DHX30: variants seen among roughly 807,000 people sequenced by gnomAD.
The protein encoded by DHX30 is DExH-box helicase 30.
In DHX30, 4 loss-of-function variants were observed where a neutral mutation model predicts 116.9. That is an observed-to-expected ratio of 0.03 (90% CI 0.02 to 0.08). The LOEUF (loss-of-function observed/expected upper bound fraction) is 0.08. Ranked by LOEUF, DHX30 falls within the 10% of genes least tolerant of loss-of-function variation. The pLI is 1.00. For missense variants in DHX30, 871 were observed against 1,595.1 expected, an observed-to-expected ratio of 0.55 and a Z score of 7.73; for synonymous variants, 697 against 651.7, an observed-to-expected ratio of 1.07 and a Z score of -1.06.
rs1294065324 is a variant in DHX30 at position 47,846,222 on chromosome 3, T to C, written c.1150T>C (p.Leu384=). 2.6e-5 allele frequency: 42 copies of C among 1,614,024 alleles called. No homozygotes were observed. The highest frequency in any genetic ancestry group is 3.4e-5 in the Non-Finnish European group (40 of 1,180,048). ...PELRLQSDDI[L]PLGKDSGPLS... ...ACTCCGGCTGCAGAGTGATGACATC[T>C]TGCCCTTGGGCAAGGACTCAGGGCC... is the stretch of plus-strand genomic sequence containing the variant. The change falls in exon 11 of 22, where the codon TTG becomes CTG. Residue 384 remains leucine, a synonymous_variant. Coordinates refer to ENST00000445061, the MANE Select transcript of DHX30 (RefSeq NM_138615.3).
chr3:47,827,742 A>T (rs1576486316), intron 5 of DHX30, among the ~76,000 whole-genome samples: 1 of 152,298 alleles, frequency 6.6e-6, no homozygotes, highest in South Asian at 2.1e-4. Context: ...GCCCCCATCG[A>T]CTAAGGACTG....
chr3:47,828,919 T>G, intron 5 of DHX30, 105 bp from the exon 6 acceptor site: 1 of 687,602 alleles, frequency 1.5e-6, no homozygotes, highest in Non-Finnish European at 2.7e-6. Flanking sequence ...ATTGCTGCTG[T>G]GAGGTCTGCT....
chr3:47,823,313 G>C (rs1385695700), intron 4 of DHX30, among the ~76,000 whole-genome samples: 1 of 150,558 alleles, frequency 6.6e-6, no homozygotes, highest in Admixed American at 6.6e-5. Flanking sequence ...CCGAGACAAA[G>C]ACCCCCCTGG....
chr3:47,814,482 G>A (rs181101724), intron 3 of DHX30, among the ~76,000 whole-genome samples: 3 of 149,834 alleles, frequency 2.0e-5, no homozygotes, highest in Non-Finnish European at 3.0e-5. Flanking sequence ...TCTGAGCGCC[G>A]TGTCTCATGC....
At position 47,849,539 on chromosome 3, in the gene DHX30, A is replaced by G. The variant is rs1302310283; in HGVS notation, c.3176A>G (p.Lys1059Arg). The change falls in exon 20 of 22, where the codon AAG becomes AGG. Residue 1059 changes from lysine to arginine, a missense_variant. By Grantham distance (26) the Lys-to-Arg change is conservative (BLOSUM62 2). Around this residue, in one of 13 missense-constraint regions of DHX30, gnomAD observed 238 missense variants for 481.0 expected, o/e 0.49. Transcript: ENST00000445061. ...AAATCAGGCAACATCCTGCTGCACA[A>G]GTCGACCATTAACAGGTGAGGGCAT... Reference protein sequence around the residue: ...RTKSGNILLHKSTINREATRL... With the variant: ...RTKSGNILLHRSTINREATRL... The G allele has an allele frequency of 6.2e-7, 1 of 1,609,608 alleles. No homozygotes were observed. Among genetic ancestry groups the G allele is most frequent in the Non-Finnish European group, 8.5e-7 (1 of 1,176,386 alleles).
rs1172023651 is a variant in DHX30, at chr3:47,845,783, C to A, written c.1023C>A (p.Thr341=). The part of the protein sequence containing the change: ...NLASLRELGE[T]QRRPCTIQVP... ...CCTCTTTGCGTGAGCTGGGTGAGACCCAGCGCCGACCATGCACCATCCAGG... is the reference window on the plus strand; with the variant it reads ...CCTCTTTGCGTGAGCTGGGTGAGACACAGCGCCGACCATGCACCATCCAGG... Residue 341 remains threonine, a synonymous_variant, in exon 10 of 22, where the codon ACC becomes ACA. Transcript: ENST00000445061. 9 of 1,612,558 alleles carry A rather than the reference C, an allele frequency of 5.6e-6. No homozygotes were observed. Among genetic ancestry groups the A allele is most frequent in the Non-Finnish European group, 7.6e-6 (9 of 1,178,812 alleles).
At chr3:47,816,775 GGGTT>G (rs1176841142) in intron 3 of DHX30, 2 of 985,262 alleles carry the variant, frequency 2.0e-6, no homozygotes, top group Middle Eastern at 5.2e-4. Flanking sequence ...TGGGGGAGGA[GGGTT>G]GGAGTGCAGG....
chr3:47,819,415 GC>G, intron 4 of DHX30: 1 of 707,110 alleles, frequency 1.4e-6, no homozygotes, highest in Non-Finnish European at 2.4e-6. Context: ...CTCTGGGGCA[GC>G]CCCACAAGTG....
In DHX30 at chr3:47,841,290, C is replaced by T. The variant is rs1435591521; in HGVS notation, c.668+112C>T. On this transcript the variant is annotated intron_variant, in intron 7 of 21. Coordinates refer to ENST00000445061, the MANE Select transcript of DHX30 (RefSeq NM_138615.3). Reference sequence around the variant, plus strand: ...ATGGGAGCGCCCCTGCCTCACATTTCAGCCTGTGTGCCCCATCACTCAGTG... The same window carrying T: ...ATGGGAGCGCCCCTGCCTCACATTTTAGCCTGTGTGCCCCATCACTCAGTG... 2.1e-6 allele frequency: 3 copies of T among 1,442,676 alleles called. No homozygotes were observed. In the East Asian group the frequency reaches 7.4e-5, roughly 36 times the overall value. 89.4% of individuals were successfully genotyped at this position (1,442,676 alleles called of 1,614,324 possible). A position where few individuals can be genotyped will look rare whatever the true frequency, so the allele number is the denominator to read the frequency against.
chr3:47,814,191 A>G (rs562631576), intron 3 of DHX30, among the ~76,000 whole-genome samples: 6 of 151,634 alleles, frequency 4.0e-5, no homozygotes, highest in African/African-American at 1.4e-4. Context: ...TTGGGAGGCT[A>G]AGGTGGGTGG....
chr3:47,812,605 T>C (rs1274064417), intron 3 of DHX30, among the ~76,000 whole-genome samples: 2 of 150,154 alleles, frequency 1.3e-5, no homozygotes, highest in African/African-American at 2.4e-5. Context: ...ATCACAAGGA[T>C]AGTAGCAAGC....
chr3:47,836,417 C>T (rs191011565), intron 6 of DHX30, among the ~76,000 whole-genome samples: 115 of 152,148 alleles, frequency 7.6e-4, no homozygotes, highest in Non-Finnish European at 1.1e-3. Flanking sequence ...GGATTACAGA[C>T]ATGAGCTACT....
chr3:47,838,437 G>A (rs1218426521), intron 6 of DHX30, among the ~76,000 whole-genome samples: 1 of 152,206 alleles, frequency 6.6e-6, no homozygotes, highest in African/African-American at 2.4e-5. Flanking sequence ...GCCAAGTTGT[G>A]TGCTTAGTCC....
chr3:47,832,594 T>C (rs986008532), intron 6 of DHX30, among the ~76,000 whole-genome samples: 4 of 152,106 alleles, frequency 2.6e-5, no homozygotes, highest in African/African-American at 7.2e-5. Context: ...TTCTCAACCA[T>C]GGATGATTTT....
intron 6 of DHX30, among the ~76,000 whole-genome samples, chr3:47,833,820 T>G (rs2036980354): frequency 2.0e-5 from 3 of 151,922 alleles, no homozygotes; most frequent in Non-Finnish European, 4.4e-5. Flanking sequence ...ATCACGCCAC[T>G]GCACTTCAGC....
chr3:47,846,574 A>G lies in DHX30; in HGVS notation c.1502A>G (p.Gln501Arg). The G allele has an allele frequency of 6.2e-7, 1 of 1,614,132 alleles. No homozygotes were observed. The highest frequency in any genetic ancestry group is 8.5e-7 in the Non-Finnish European group (1 of 1,180,032). Residue 501 changes from glutamine (Q) to arginine (R), a missense_variant, in exon 11 of 22, where the codon CAG becomes CGG. Gln to Arg is a conservative substitution (Grantham distance 43). Around this residue, in one of 13 missense-constraint regions of DHX30, gnomAD observed 63 missense variants for 180.6 expected, o/e 0.35. Coordinates refer to ENST00000445061, the MANE Select transcript of DHX30 (RefSeq NM_138615.3). ...CGCATCTCTGCTGTGTCTGTGGCAC[A>G]GCGGGTCAGCCACGAACTGGGCCCC... ...PRRISAVSVA[Q>R]RVSHELGPSL...
chr3:47,829,165 C>T (rs1488658707), intron 6 of DHX30, 31 bp downstream of exon 6: 1 of 1,264,960 alleles, frequency 7.9e-7, no homozygotes, highest in Non-Finnish European at 1.1e-6. Flanking sequence ...GCCACTGAGA[C>T]CTTCCTCCTG....
intron 4 of DHX30, among the ~76,000 whole-genome samples, chr3:47,827,081 C>T (rs1233746462): frequency 6.6e-6 from 1 of 152,052 alleles, no homozygotes; most frequent in Non-Finnish European, 1.5e-5. Context: ...GGAGATTGGG[C>T]GGAGAAGAGG....
At position 47,849,967 on chromosome 3, in the gene DHX30, C is replaced by T; in HGVS notation, c.3432C>T (p.Ala1144=). The T allele has an allele frequency of 6.2e-7, 1 of 1,612,868 alleles. No individual in the cohort carries two copies. Among genetic ancestry groups the T allele is most frequent in the Admixed American group, 1.7e-5 (1 of 59,986 alleles). ...GGCTGCTGAAGGAGCTGCGGCGGGC[C>T]CTGGGCCGCATGGTGGAGCGGAGCC... is the stretch of plus-strand genomic sequence containing the variant. The part of the protein sequence containing the change: ...TVRLLKELRR[A]LGRMVERSLR... The change falls in exon 22 of 22, where the codon GCC becomes GCT. Residue 1144 remains alanine, a synonymous_variant. Coordinates refer to ENST00000445061, the MANE Select transcript of DHX30 (RefSeq NM_138615.3).
Sources: allele counts gnomAD v4.1 joint callset (sites outside exome capture counted in the v4.1 genomes callset), GRCh38; gene constraint gnomAD v4.1.1; regional missense constraint gnomAD v4.1.1; transcripts MANE v1.5; gene names NCBI Gene and HGNC (gene_info 2026-07-23, HGNC 2026-07-21).